Variants in SIPA1L3 observed in about 807,000 individuals in gnomAD.
SIPA1L3 encodes signal induced proliferation associated 1 like 3, also known as signal-induced proliferation-associated 1-like protein 3.
A neutral mutation model predicts 150.1 loss-of-function variants in SIPA1L3; 59 were observed. The ratio of observed to expected loss-of-function variants is 0.39; its 90% CI spans 0.32 to 0.49. The LOEUF (loss-of-function observed/expected upper bound fraction) is 0.49. Among genes scored for constraint, SIPA1L3 ranks in the 20% least tolerant of loss-of-function variants. SIPA1L3 has a pLI of 0.86. For missense variants in SIPA1L3, 2,211 were observed against 2,489.5 expected (o/e 0.89, Z 2.38); for synonymous variants, 1,070 against 1,077.6 (o/e 0.99, Z 0.14).
At chr19:38,089,156 C>T (rs1970206536) in intron 4 of SIPA1L3, among the ~76,000 whole-genome samples, 1 of 151,714 alleles carries the variant, frequency 6.6e-6, no homozygotes, top group South Asian at 2.1e-4. Context: ...CCCATCTCTA[C>T]CAAAAATACA....
chr19:38,074,130 C>T (rs1456503621), intron 2 of SIPA1L3, among the ~76,000 whole-genome samples: 1 of 152,158 alleles, frequency 6.6e-6, no homozygotes, highest in African/African-American at 2.4e-5. Context: ...CGGTAGAAGA[C>T]AGCTGGAAAG....
At chr19:37,979,158 G>A (rs1967140920) in intron 1 of SIPA1L3, among the ~76,000 whole-genome samples, 1 of 152,076 alleles carries the variant, frequency 6.6e-6, no homozygotes, top group African/African-American at 2.4e-5. Flanking sequence ...CCAACTCACT[G>A]CCTGTTTTTG....
chr19:37,989,873 T>A (rs1190070254), intron 1 of SIPA1L3, among the ~76,000 whole-genome samples: 1 of 152,044 alleles, frequency 6.6e-6, no homozygotes, highest in East Asian at 1.9e-4. Context: ...TTGCACTGCT[T>A]GTTGGGTGGC....
intron 12 of SIPA1L3, among the ~76,000 whole-genome samples, chr19:38,150,267 A>G (rs1046905297): frequency 6.6e-6 from 1 of 152,010 alleles, no homozygotes; most frequent in African/African-American, 2.4e-5. Flanking sequence ...CTGGCAAGTG[A>G]GTGGAGTTGA....
chr19:38,074,361 G>A (rs113613879), intron 2 of SIPA1L3, among the ~76,000 whole-genome samples: 1 of 152,250 alleles, frequency 6.6e-6, no homozygotes, highest in Non-Finnish European at 1.5e-5. Context: ...CTGTCGGGAG[G>A]TGCTTGCATA....
chr19:38,193,669 T>C lies in SIPA1L3; in HGVS notation c.4729T>C (p.Cys1577Arg), dbSNP rs758143399. The change falls in exon 18 of 22, where the codon TGC (cysteine) becomes CGC (arginine). Residue 1577 changes from cysteine to arginine, a missense_variant. Physicochemically the swap from Cys to Arg is radical, Grantham distance 180. This residue lies in a region of SIPA1L3 where 806 missense variants were observed against 870.1 expected (regional missense o/e 0.93). Coordinates refer to ENST00000222345, the MANE Select transcript of SIPA1L3 (RefSeq NM_015073.3). ...CAGCGACGTGCTCTTCACCAGCACCTGCGCCTTCCCGTCCAGCACGCTGCC... is the reference window on the plus strand; with the variant it reads ...CAGCGACGTGCTCTTCACCAGCACCCGCGCCTTCCCGTCCAGCACGCTGCC... ...LPSDVLFTST[C>R]AFPSSTLPAR... The C allele has an allele frequency of 1.9e-6, 3 of 1,580,134 alleles. No individual in the cohort carries two copies. Among genetic ancestry groups the C allele is most frequent in the Admixed American group, 3.5e-5 (2 of 57,812 alleles).
chr19:37,958,032 G>A (rs955788318), intron 1 of SIPA1L3, among the ~76,000 whole-genome samples: 1 of 152,128 alleles, frequency 6.6e-6, no homozygotes, highest in Non-Finnish European at 1.5e-5. Flanking sequence ...ATCTTATTTA[G>A]TGGAGATATT....
intron 13 of SIPA1L3, among the ~76,000 whole-genome samples, chr19:38,159,712 C>T (rs1345748134): frequency 6.6e-6 from 1 of 152,266 alleles, no homozygotes; most frequent in Non-Finnish European, 1.5e-5. Flanking sequence ...CTTAACCTCT[C>T]CGAGTCTTGT....
At chr19:38,008,172 A>G (rs1373748685) in intron 1 of SIPA1L3, among the ~76,000 whole-genome samples, 1 of 143,120 alleles carries the variant, frequency 7.0e-6, no homozygotes, top group Non-Finnish European at 1.5e-5. Context: ...TGCAAAGCCC[A>G]CTGGTGTTCT....
At position 37,916,686 on chromosome 19, in the gene SIPA1L3, G is replaced by A. The variant is rs186983041; in HGVS notation, c.-379+9328G>A. On this transcript the variant is annotated intron_variant, in intron 1 of 21. Coordinates refer to ENST00000222345, the MANE Select transcript of SIPA1L3 (RefSeq NM_015073.3). ...TTAGAAATATAACGTGGGGCCGAGC[G>A]CGGTGACTCATGCCTGTAATCCCAG... Among the ~76,000 whole-genome samples, 35 of 151,912 alleles carry A rather than the reference G, an allele frequency of 2.3e-4. No individual in the cohort carries two copies. In the Middle Eastern group the frequency reaches 0.01, roughly 44 times the overall value.
At chr19:37,931,354 A>C (rs2145500095) in intron 1 of SIPA1L3, among the ~76,000 whole-genome samples, 1 of 152,214 alleles carries the variant, frequency 6.6e-6, no homozygotes, top group Admixed American at 6.6e-5. Flanking sequence ...CTCTACAAAA[A>C]TAATAATAAA....
At chr19:38,125,017 G>GGGAGAGGGAGAGGGAGAGGGAGACCGTGA (rs1332402359) in intron 9 of SIPA1L3, among the ~76,000 whole-genome samples, 1 of 149,408 alleles carries the variant, frequency 6.7e-6, no homozygotes, top group Admixed American at 6.6e-5. Flanking sequence ...GGAGACCGTG[G>GGGAGAGGGAGAGGGAGAGGGAGACCGTGA]GGAGAGGGAG....
intron 1 of SIPA1L3, among the ~76,000 whole-genome samples, chr19:37,948,531 T>G (rs890647726): frequency 2.0e-5 from 3 of 151,202 alleles, no homozygotes; most frequent in African/African-American, 7.3e-5. Flanking sequence ...TACATATTAG[T>G]CATTGTTCCT....
At chr19:37,962,591 C>T (rs1387002561) in intron 1 of SIPA1L3, among the ~76,000 whole-genome samples, 2 of 151,770 alleles carry the variant, frequency 1.3e-5, no homozygotes, top group African/African-American at 4.8e-5. Context: ...GCCTCAGCCT[C>T]CTGAGTTGCT....
intron 4 of SIPA1L3, among the ~76,000 whole-genome samples, chr19:38,094,319 G>A (rs546892825): frequency 1.3e-5 from 2 of 152,284 alleles, no homozygotes; most frequent in Admixed American, 6.5e-5. Context: ...TGCAGTCATA[G>A]CTCACTGCAG....
chr19:37,960,008 A>C (rs539576064), intron 1 of SIPA1L3, among the ~76,000 whole-genome samples: 12 of 152,036 alleles, frequency 7.9e-5, no homozygotes, highest in Non-Finnish European at 1.5e-4. Flanking sequence ...GTATGGTTTT[A>C]TAATTATTTT....
chr19:38,119,722 G>A lies in SIPA1L3; in HGVS notation c.2708G>A (p.Arg903His), dbSNP rs546328889. Residue 903 changes from arginine to histidine, a missense_variant, in exon 9 of 22, where the codon CGC (arginine) becomes CAC (histidine). Physicochemically the swap from Arg to His is conservative, Grantham distance 29 (BLOSUM62 0). Coordinates refer to ENST00000222345, the MANE Select transcript of SIPA1L3 (RefSeq NM_015073.3). Reference sequence around the variant, plus strand: ...GAGTTTGTGGTGCTCCTGGACTTACGCACCAAGGAGGTGGTGTTCAACTGC... The same window carrying A: ...GAGTTTGTGGTGCTCCTGGACTTACACACCAAGGAGGTGGTGTTCAACTGC... ...SNEFVVLLDL[R>H]TKEVVFNCYC... 124 of 1,614,130 alleles carry A rather than the reference G, an allele frequency of 7.7e-5. No homozygotes were observed. The highest frequency in any genetic ancestry group is 1.6e-4 in the Middle Eastern group (1 of 6,062).
intron 15 of SIPA1L3, among the ~76,000 whole-genome samples, chr19:38,170,063 G>A (rs1361075913): frequency 1.3e-5 from 2 of 151,928 alleles, no homozygotes; most frequent in African/African-American, 4.8e-5. Context: ...TGATGGAGGG[G>A]TACAGGGATG....
intron 1 of SIPA1L3, among the ~76,000 whole-genome samples, chr19:37,923,192 G>A (rs983937047): frequency 1.3e-5 from 2 of 152,212 alleles, no homozygotes; most frequent in Non-Finnish European, 1.5e-5. Context: ...TAAGTGCGAG[G>A]GAGCAGAAAT....
Sources: allele counts gnomAD v4.1 joint callset (sites outside exome capture counted in the v4.1 genomes callset), GRCh38; gene constraint gnomAD v4.1.1; regional missense constraint gnomAD v4.1.1; transcripts MANE v1.5; gene names NCBI Gene and HGNC (gene_info 2026-07-23, HGNC 2026-07-21).